Variants in SCMH1 observed in about 807,000 individuals in gnomAD.
The protein encoded by SCMH1 is Scm polycomb group protein homolog 1.
SCMH1 carries 37 observed loss-of-function variants against 70.8 expected under a neutral mutation model. That is an observed-to-expected ratio of 0.52 (90% confidence interval 0.40 to 0.69). The LOEUF (loss-of-function observed/expected upper bound fraction) is 0.69, where lower values mean the gene tolerates loss of function less well. Among genes scored for constraint, SCMH1 ranks in the 30% least tolerant of loss-of-function variants. The probability of loss-of-function intolerance (pLI) is 0.00; values close to 1 mark genes in which losing one functional copy is unlikely to be tolerated. For synonymous variants in SCMH1, 292 were observed against 307.4 expected, an observed-to-expected ratio of 0.95 and a Z score of 0.52; for missense variants, 607 against 827.3, an observed-to-expected ratio of 0.73 and a Z score of 3.27.
intron 5 of SCMH1, among the ~76,000 whole-genome samples, chr1:41,146,559 T>C (rs1644592537): frequency 6.6e-6 from 1 of 152,014 alleles, no homozygotes; most frequent in South Asian, 2.1e-4. Flanking sequence ...TTTTTTTTAC[T>C]GTACCTTTTC....
At chr1:41,198,585 G>A (rs893438624) in intron 1 of SCMH1, among the ~76,000 whole-genome samples, 1 of 152,070 alleles carries the variant, frequency 6.6e-6, no homozygotes, top group East Asian at 1.9e-4. Flanking sequence ...TACCCTTGTA[G>A]TACAAAAATA....
At chr1:41,075,494 C>T (rs41269465) in intron 8 of SCMH1, 43 bp from the exon 9 acceptor site, 151,031 of 1,519,152 alleles carry the variant, frequency 0.099, 8,089 homozygotes, top group Admixed American at 0.14. Context: ...CTCCCCCCTG[C>T]ATTCTCATCC....
At chr1:41,234,553 C>T (rs1384629285) in intron 1 of SCMH1, among the ~76,000 whole-genome samples, 1 of 149,080 alleles carries the variant, frequency 6.7e-6, no homozygotes, top group African/African-American at 2.5e-5. Flanking sequence ...CTGCAAGCTC[C>T]GCCTCCCGCC....
intron 2 of SCMH1, among the ~76,000 whole-genome samples, chr1:41,164,533 G>A (rs139368267): frequency 0.011 from 1,658 of 152,204 alleles, 14 homozygotes; most frequent in Non-Finnish European, 0.015. Flanking sequence ...GTTTAGTGGT[G>A]AATCCCCAGT....
chr1:41,087,027 G>A (rs1661902808), intron 8 of SCMH1, among the ~76,000 whole-genome samples: 2 of 152,028 alleles, frequency 1.3e-5, no homozygotes, highest in Non-Finnish European at 2.9e-5. Context: ...CTGTGGTACT[G>A]GTACACCAAT....
chr1:41,116,785 C>G (rs1373949626), intron 7 of SCMH1, 137 bp downstream of exon 7: 1 of 542,334 alleles, frequency 1.8e-6, no homozygotes, highest in Non-Finnish European at 3.2e-6. Context: ...ATAATTGCTG[C>G]TTCATAAGCT....
At chr1:41,144,222 T>C (rs1466206373) in intron 5 of SCMH1, among the ~76,000 whole-genome samples, 1 of 152,056 alleles carries the variant, frequency 6.6e-6, no homozygotes, top group East Asian at 1.9e-4. Flanking sequence ...CATAATCCCC[T>C]CAAAATGAAC....
intron 10 of SCMH1, among the ~76,000 whole-genome samples, chr1:41,052,592 T>C (rs1181131575): frequency 1.3e-5 from 2 of 152,202 alleles, no homozygotes; most frequent in Non-Finnish European, 2.9e-5. Flanking sequence ...ATCCCCGTGA[T>C]TAAGTAATAC....
chr1:41,221,345 A>G lies in SCMH1; in HGVS notation c.-118+20714T>C, dbSNP rs191092589. On this transcript the variant is annotated intron_variant, in intron 1 of 14. Coordinates refer to ENST00000337495, the Ensembl canonical transcript of SCMH1. ...TGGATGGTGGTGATGGTTGCATAACAATGTGAATGTACTTAATGCCACAGA... is the reference window on the plus strand; with the variant it reads ...TGGATGGTGGTGATGGTTGCATAACGATGTGAATGTACTTAATGCCACAGA... Among the ~76,000 whole-genome samples, 22 of 152,256 alleles carry G rather than the reference A, an allele frequency of 1.4e-4. No homozygotes were observed. In the East Asian group the frequency reaches 3.9e-3, roughly 27 times the overall value.
chr1:41,202,942 CTT>C (rs1654707038), intron 1 of SCMH1, among the ~76,000 whole-genome samples: 1 of 151,736 alleles, frequency 6.6e-6, no homozygotes, highest in African/African-American at 2.4e-5. Flanking sequence ...TTTCTTTTAA[CTT>C]TTAAAAATAT....
chr1:41,204,611 C>A (rs574282605), intron 1 of SCMH1, among the ~76,000 whole-genome samples: 1 of 152,338 alleles, frequency 6.6e-6, no homozygotes, highest in African/African-American at 2.4e-5. Flanking sequence ...TCAATATTCA[C>A]ATGTCTGGCT....
chr1:41,059,053 T>C (rs1164263556), intron 10 of SCMH1, among the ~76,000 whole-genome samples: 1 of 152,202 alleles, frequency 6.6e-6, no homozygotes, highest in African/African-American at 2.4e-5. Context: ...GCCTGAGGCT[T>C]TTTACCTTTC....
In SCMH1 at chr1:41,113,264, C is replaced by G. The variant is rs1267739126; in HGVS notation, c.745+19G>C. ...ATCATCTGGGTCCTGATTTCAAGAG[C>G]ACGTAGATGGGCCTTTACCTTTGGT... On this transcript the variant is annotated intron_variant, in intron 8 of 14. Transcript: ENST00000337495. The surrounding 1 kb of genome is among the most constrained non-coding windows in gnomAD (Gnocchi z 4.3). The G allele has an allele frequency of 2.5e-6, 4 of 1,608,626 alleles. No individual in the cohort carries two copies. Among genetic ancestry groups the G allele is most frequent in the Non-Finnish European group, 3.4e-6 (4 of 1,177,708 alleles).
intron 6 of SCMH1, among the ~76,000 whole-genome samples, chr1:41,128,121 A>T (rs1307403015): frequency 6.6e-6 from 1 of 152,118 alleles, no homozygotes; most frequent in Admixed American, 6.6e-5. Flanking sequence ...TATAATTTTA[A>T]TTTCAGAGGC....
chr1:41,215,853 T>C (rs1002037419), intron 1 of SCMH1, among the ~76,000 whole-genome samples: 1 of 152,194 alleles, frequency 6.6e-6, no homozygotes, highest in African/African-American at 2.4e-5. Flanking sequence ...TGCCTGACAG[T>C]AGCAGGCATC....
intron 13 of SCMH1, among the ~76,000 whole-genome samples, chr1:41,030,017 C>G (rs186753515): frequency 4.6e-5 from 7 of 152,182 alleles, no homozygotes; most frequent in African/African-American, 1.7e-4. Flanking sequence ...AGTTCAAGAC[C>G]AGCTTGGGCA....
intron 2 of SCMH1, among the ~76,000 whole-genome samples, chr1:41,182,116 G>A (rs897970755): frequency 7.2e-5 from 11 of 152,052 alleles, no homozygotes; most frequent in South Asian, 4.1e-4. Context: ...ACCAAACACC[G>A]CATGTTCTCA....
At chr1:41,057,642 G>A (rs1057251927) in intron 10 of SCMH1, among the ~76,000 whole-genome samples, 2 of 152,044 alleles carry the variant, frequency 1.3e-5, no homozygotes, top group African/African-American at 2.4e-5. Flanking sequence ...AAGAAAAAGC[G>A]GCACACTCAG....
intron 4 of SCMH1, among the ~76,000 whole-genome samples, chr1:41,158,643 T>C (rs1645761972): frequency 6.6e-6 from 1 of 152,164 alleles, no homozygotes; most frequent in Non-Finnish European, 1.5e-5. Flanking sequence ...GTTCAGTCAT[T>C]AGCGAGCCAA....
Sources: allele counts gnomAD v4.1 joint callset (sites outside exome capture counted in the v4.1 genomes callset), GRCh38; gene constraint gnomAD v4.1.1; non-coding constraint Gnocchi (gnomAD v3.1); transcripts MANE v1.5; gene names NCBI Gene and HGNC (gene_info 2026-07-23, HGNC 2026-07-21).